Variants in GCNT4 observed in about 807,000 individuals in gnomAD.
GCNT4 encodes beta-1,3-galactosyl-O-glycosyl-glycoprotein beta-1,6-N-acetylglucosaminyltransferase 4.
Under a neutral mutation model 31.3 loss-of-function variants are expected in GCNT4, and 17 were observed. The observed-to-expected ratio is 0.54, with a 90% CI of 0.37 to 0.81. GCNT4 has a LOEUF of 0.81. Among genes scored for constraint, GCNT4 ranks in the 40% least tolerant of loss-of-function variants. The pLI is 0.00. For synonymous variants in GCNT4, 158 were observed against 190.6 expected (o/e 0.83, Z 1.41); for missense variants, 503 against 525.5 (o/e 0.96, Z 0.42).
Position 75,028,792 on chromosome 5 carries a change from C to T in GCNT4, c.1246G>A (p.Val416Met). The change falls in exon 4 of 4, where the codon GTG becomes ATG. Residue 416 changes from valine (V) to methionine (M), a missense_variant. Transcript: ENST00000652361. ...HWFANKFDSK[V>M]DPILIKCLAE... ...AAGCATTTAATCAAGATAGGGTCCA[C>T]CTTAGAATCAAATTTATTAGCAAAC... 1 of 1,614,022 alleles carries T rather than the reference C, an allele frequency of 6.2e-7. No individual in the cohort carries two copies. The highest frequency in any genetic ancestry group is 8.5e-7 in the Non-Finnish European group (1 of 1,179,978).
At chr5:75,051,880 A>G (rs1743578814) in intron 2 of GCNT4, among the ~76,000 whole-genome samples, 1 of 152,208 alleles carries the variant, frequency 6.6e-6, no homozygotes, top group Non-Finnish European at 1.5e-5. Flanking sequence ...GCGGCCACAC[A>G]GTTCCTTGGC....
chr5:75,040,502 G>A (rs1743295084), intron 3 of GCNT4, among the ~76,000 whole-genome samples: 1 of 152,168 alleles, frequency 6.6e-6, no homozygotes, highest in South Asian at 2.1e-4. Flanking sequence ...TCTGGGCTCT[G>A]CCACAAAAAA....
chr5:75,028,787 G>A lies in GCNT4; in HGVS notation c.1251C>T (p.Asp417=). ...CTGCCAAGCATTTAATCAAGATAGG[G>A]TCCACCTTAGAATCAAATTTATTAG... is the stretch of plus-strand genomic sequence containing the variant. ...WFANKFDSKV[D]PILIKCLAEK... Residue 417 remains aspartate, a synonymous_variant, in exon 4 of 4, where the codon GAC becomes GAT. Transcript: ENST00000652361. 1 of 1,613,952 alleles carries A rather than the reference G, an allele frequency of 6.2e-7. No individual in the cohort carries two copies. The highest frequency in any genetic ancestry group is 8.5e-7 in the Non-Finnish European group (1 of 1,179,986).
rs1181885470 is a variant in GCNT4 at position 75,029,858 on chromosome 5, G to A, written c.180C>T (p.Tyr60=). Residue 60 remains tyrosine, a synonymous_variant, in exon 4 of 4, where the codon TAC becomes TAT. Transcript: ENST00000652361. ...ACCTGACTTCATCCTTAACATGAGT[G>A]TATCTGTTTCTTACAAAAGGCGAGG... ...LSTSPFVRNR[Y]THVKDEVRYE... 6.2e-7 allele frequency: 1 copy of A among 1,613,960 alleles called. No individual in the cohort carries two copies. The highest frequency in any genetic ancestry group is 1.1e-5 in the South Asian group (1 of 91,078).
intron 2 of GCNT4, among the ~76,000 whole-genome samples, chr5:75,049,574 T>C (rs529469341): frequency 6.6e-6 from 1 of 152,352 alleles, no homozygotes; most frequent in Admixed American, 6.5e-5. Context: ...CATATGGGAA[T>C]GCATATAAAT....
chr5:75,030,004 G>A lies in GCNT4; in HGVS notation c.34C>T (p.Leu12=). Residue 12 remains leucine (L), a synonymous_variant, in exon 4 of 4, where the codon CTA becomes TTA. Transcript: ENST00000652361. The part of the protein sequence containing the change: ...KIFKCYFKHT[L]QQKVFILFLT... Reference sequence around the variant, plus strand: ...AACAGGATGAAAACTTTCTGCTGTAGGGTATGTTTAAAATAACATTTGAAT... The same window carrying A: ...AACAGGATGAAAACTTTCTGCTGTAAGGTATGTTTAAAATAACATTTGAAT... 2 of 1,605,402 alleles carry A rather than the reference G, an allele frequency of 1.2e-6. No homozygotes were observed. The highest frequency in any genetic ancestry group is 1.7e-6 in the Non-Finnish European group (2 of 1,177,366).
chr5:75,031,943 T>G (rs1056610087), intron 3 of GCNT4, among the ~76,000 whole-genome samples: 4 of 152,172 alleles, frequency 2.6e-5, no homozygotes, highest in Admixed American at 6.5e-5. Context: ...AAACCTTAAA[T>G]GGAAGACAAT....
chr5:75,040,028 C>T (rs536584026), intron 3 of GCNT4, among the ~76,000 whole-genome samples: 1 of 152,138 alleles, frequency 6.6e-6, no homozygotes, highest in African/African-American at 2.4e-5. Context: ...CTAAGCAACA[C>T]CAGCCTTCTA....
intron 3 of GCNT4, among the ~76,000 whole-genome samples, chr5:75,046,803 G>A (rs1055444032): frequency 2.6e-5 from 4 of 152,156 alleles, no homozygotes; most frequent in Admixed American, 1.3e-4. Context: ...TCCAAAATAC[G>A]CCACTCTGAT....
rs747312101 is a variant in GCNT4 at position 75,026,432 on chromosome 5, G to A, written c.*2244C>T. The A allele has an allele frequency of 3.3e-5, 5 of 152,130 alleles. No individual in the cohort carries two copies. Among genetic ancestry groups the A allele is most frequent in the Non-Finnish European group, 7.3e-5 (5 of 68,028 alleles). 9.4% of individuals were successfully genotyped at this position (152,130 alleles called of 1,614,324 possible). A position where few individuals can be genotyped will look rare whatever the true frequency, so the allele number is the denominator to read the frequency against. ...AGAAACCCCAAATGGGGTTACAGGA[G>A]TTTCCTCAGATCTGGATTTGGTTAC... On this transcript the variant is annotated 3_prime_UTR_variant, in exon 4 of 4. Coordinates refer to ENST00000652361, the MANE Select transcript of GCNT4 (RefSeq NM_001366737.1).
intron 3 of GCNT4, among the ~76,000 whole-genome samples, chr5:75,032,086 C>T (rs56778680): frequency 0.11 from 16,718 of 152,056 alleles, 1,146 homozygotes; most frequent in African/African-American, 0.2. Context: ...CATTCACCTC[C>T]GCTTAAATCC....
Position 75,030,591 on chromosome 5 carries a change from A to T in GCNT4, c.-1-553T>A, listed in dbSNP as rs190622263. The T allele has an allele frequency of 1.8e-5, 3 of 167,330 alleles. No homozygotes were observed. In the Admixed American group the frequency reaches 2.0e-4, roughly 11 times the overall value. The allele number at this position is 167,330 out of a possible 1,614,324, so 10.4% of individuals were successfully genotyped here. A position where few individuals can be genotyped will look rare whatever the true frequency, so the allele number is the denominator to read the frequency against. On this transcript the variant is annotated intron_variant, in intron 3 of 3. Transcript: ENST00000652361. ...AGCTATGCTAAGTATTAGAGACTGT[A>T]AAATGTATAGATAACAAAATTGGGT...
chr5:75,036,455 A>C (rs1430210136), intron 3 of GCNT4, among the ~76,000 whole-genome samples: 1 of 152,272 alleles, frequency 6.6e-6, no homozygotes. Context: ...GTCTTGCTCC[A>C]GACTTGCACT....
chr5:75,041,535 T>C (rs1389396692), intron 3 of GCNT4, among the ~76,000 whole-genome samples: 1 of 152,232 alleles, frequency 6.6e-6, no homozygotes, highest in African/African-American at 2.4e-5. Flanking sequence ...ATTATAATTC[T>C]TCTAGCTAGA....
intron 2 of GCNT4, among the ~76,000 whole-genome samples, chr5:75,051,761 T>G (rs1743574314): frequency 6.6e-6 from 1 of 152,148 alleles, no homozygotes; most frequent in African/African-American, 2.4e-5. Context: ...GATGTGACAT[T>G]TAGCAAATCA....
chr5:75,033,424 C>A (rs1743119944), intron 3 of GCNT4, among the ~76,000 whole-genome samples: 1 of 152,180 alleles, frequency 6.6e-6, no homozygotes, highest in South Asian at 2.1e-4. Flanking sequence ...GGGCCCACAT[C>A]TGAGAGCCAG....
intron 3 of GCNT4, among the ~76,000 whole-genome samples, chr5:75,045,578 T>A (rs561441946): frequency 1.3e-5 from 2 of 152,372 alleles, no homozygotes; most frequent in East Asian, 3.9e-4. Flanking sequence ...TTGCGAATAA[T>A]TCTGCTATGA....
At chr5:75,042,327 G>A (rs1409736186) in intron 3 of GCNT4, among the ~76,000 whole-genome samples, 1 of 152,064 alleles carries the variant, frequency 6.6e-6, no homozygotes, top group African/African-American at 2.4e-5. Flanking sequence ...TGTATCTATT[G>A]CACTAGAAAG....
chr5:75,042,887 CA>C (rs890381128), intron 3 of GCNT4, among the ~76,000 whole-genome samples: 1 of 152,030 alleles, frequency 6.6e-6, no homozygotes, highest in Non-Finnish European at 1.5e-5. Flanking sequence ...ATATTAGACA[CA>C]ATAAAATTAA....
Sources: allele counts gnomAD v4.1 joint callset (sites outside exome capture counted in the v4.1 genomes callset), GRCh38; gene constraint gnomAD v4.1.1; transcripts MANE v1.5; gene names NCBI Gene and HGNC (gene_info 2026-07-23, HGNC 2026-07-21).